SNX10: variants seen among roughly 807,000 people sequenced by gnomAD.
The protein encoded by SNX10 is sorting nexin 10, also known as sorting nexin-10.
In SNX10, 25 loss-of-function variants were observed where a neutral mutation model predicts 28.5. The ratio of observed to expected loss-of-function variants is 0.88; its 90% confidence interval spans 0.64 to 1.22. SNX10 has a LOEUF of 1.22. Among genes scored for constraint, SNX10 ranks in the 50% most tolerant of loss-of-function variants. SNX10 has a pLI of 0.00. For synonymous variants in SNX10, 62 were observed against 81.4 expected, an observed-to-expected ratio of 0.76 and a Z score of 1.28; for missense variants, 223 against 242.6, an observed-to-expected ratio of 0.92 and a Z score of 0.54.
At chr7:26,321,327 G>A (rs1225763541) in intron 1 of SNX10, among the ~76,000 whole-genome samples, 1 of 152,144 alleles carries the variant, frequency 6.6e-6, no homozygotes, top group Non-Finnish European at 1.5e-5. Context: ...CATTCCAGAT[G>A]TACTCACAGA....
chr7:26,372,225 C>G (rs1334407990), intron 6 of SNX10, 192 bp downstream of exon 6: 2 of 595,404 alleles, frequency 3.4e-6, no homozygotes, highest in Middle Eastern at 4.4e-4. Flanking sequence ...CACACCTCCA[C>G]ACTGAATTAA....
At chr7:26,300,286 T>C (rs1373565269) in intron 1 of SNX10, among the ~76,000 whole-genome samples, 1 of 151,980 alleles carries the variant, frequency 6.6e-6, no homozygotes, top group African/African-American at 2.4e-5. Context: ...AGGGACTGTG[T>C]CTTGCTGTGT....
In SNX10 at chr7:26,372,635, C is replaced by T. The variant is rs966416225; in HGVS notation, c.*63C>T. On this transcript the variant is annotated 3_prime_UTR_variant, in exon 7 of 7. Coordinates refer to ENST00000338523, the MANE Select transcript of SNX10 (RefSeq NM_013322.3). ...TTATGTCCAGTCATAGAGAAGAAAG[C>T]TTCATAATAATACATTCTTACCTAA... The T allele has an allele frequency of 6.3e-6, 6 of 956,210 alleles. No homozygotes were observed. The highest frequency in any genetic ancestry group is 1.0e-5 in the Non-Finnish European group (6 of 584,570). The allele number at this position is 956,210 out of a possible 1,614,324, so 59.2% of individuals were successfully genotyped here. A position where few individuals can be genotyped will look rare whatever the true frequency, so the allele number is the denominator to read the frequency against.
chr7:26,360,723 TA>T, intron 2 of SNX10: 1 of 777,796 alleles, frequency 1.3e-6, no homozygotes, highest in Non-Finnish European at 1.8e-6. Flanking sequence ...AGATAACCAG[TA>T]AAACTATCCA....
chr7:26,307,612 T>G (rs191779091), intron 1 of SNX10, among the ~76,000 whole-genome samples: 1 of 152,090 alleles, frequency 6.6e-6, no homozygotes, highest in East Asian at 1.9e-4. Flanking sequence ...GAAACCCAGC[T>G]AATTTTTGCA....
At chr7:26,312,962 T>A (rs1786909624) in intron 1 of SNX10, among the ~76,000 whole-genome samples, 1 of 152,206 alleles carries the variant, frequency 6.6e-6, no homozygotes, top group African/African-American at 2.4e-5. Flanking sequence ...AACAACCCAC[T>A]CATTTGTAAA....
intron 1 of SNX10, among the ~76,000 whole-genome samples, chr7:26,293,492 C>T (rs1322596329): frequency 1.3e-5 from 2 of 152,188 alleles, no homozygotes; most frequent in African/African-American, 4.8e-5. Context: ...AGGGGTGAGC[C>T]ACTGCGCTCG....
chr7:26,307,698 G>C (rs1327073363), intron 1 of SNX10, among the ~76,000 whole-genome samples: 2 of 147,780 alleles, frequency 1.4e-5, no homozygotes, highest in East Asian at 3.9e-4. Flanking sequence ...TTTTTTAATA[G>C]TCTTTATTTT....
intron 5 of SNX10, among the ~76,000 whole-genome samples, chr7:26,365,534 TC>T (rs1338933077): frequency 1.3e-5 from 2 of 152,190 alleles, no homozygotes; most frequent in Non-Finnish European, 2.9e-5. Context: ...CAGACCAAAA[TC>T]AGCTCAGTAA....
rs761265917 is a variant in SNX10, at chr7:26,372,007, AAATG to A, written c.500_503del (p.Asn167IlefsTer2). On this transcript the variant is annotated frameshift_variant, in exon 6 of 7. Transcript: ENST00000338523. LOFTEE classifies it high-confidence loss of function. ...AAGAAGATGAAGAAGGAAAAAAAGA[AAATG>A]ATATAGATTATGATTCAGAAAGGTA... 6.2e-7 allele frequency: 1 copy of A among 1,609,238 alleles called. No individual in the cohort carries two copies. Among genetic ancestry groups the A allele is most frequent in the East Asian group, 2.2e-5 (1 of 44,830 alleles).
At chr7:26,334,897 G>C (rs1787862175) in intron 1 of SNX10, among the ~76,000 whole-genome samples, 1 of 152,192 alleles carries the variant, frequency 6.6e-6, no homozygotes, top group Non-Finnish European at 1.5e-5. Context: ...ATTTGGGCCT[G>C]GTTTGCAGAT....
At chr7:26,344,778 C>T (rs1334551065) in intron 1 of SNX10, among the ~76,000 whole-genome samples, 1 of 152,202 alleles carries the variant, frequency 6.6e-6, no homozygotes, top group Non-Finnish European at 1.5e-5. Flanking sequence ...GTCTGTCTTT[C>T]CAACCTAATC....
intron 3 of SNX10, among the ~76,000 whole-genome samples, chr7:26,363,764 T>G (rs201993316): frequency 2.1e-5 from 1 of 48,476 alleles, no homozygotes; most frequent in Non-Finnish European, 6.2e-5. Context: ...AAACCAACAC[T>G]TAGTAACTAA....
chr7:26,333,021 ATTC>A (rs2128005482), intron 1 of SNX10, among the ~76,000 whole-genome samples: 1 of 152,226 alleles, frequency 6.6e-6, no homozygotes, highest in East Asian at 1.9e-4. Context: ...CTCCTGCTTT[ATTC>A]TTCTTTTTCA....
At chr7:26,295,658 T>A (rs960127187) in intron 1 of SNX10, among the ~76,000 whole-genome samples, 1 of 152,196 alleles carries the variant, frequency 6.6e-6, no homozygotes. Flanking sequence ...TGGTGCCAGA[T>A]CAATCAATTA....
In SNX10 at chr7:26,300,274, G is replaced by T. The variant is rs545299402; in HGVS notation, c.-24+8188G>T. On this transcript the variant is annotated intron_variant, in intron 1 of 6. Coordinates refer to ENST00000338523, the MANE Select transcript of SNX10 (RefSeq NM_013322.3). Reference sequence around the variant, plus strand: ...ATTTTTTTTTTTTTGGCTTAGGGGAGTAGGGACTGTGTCTTGCTGTGTTGC... The same window carrying T: ...ATTTTTTTTTTTTTGGCTTAGGGGATTAGGGACTGTGTCTTGCTGTGTTGC... Among the ~76,000 whole-genome samples, 16 of 151,724 alleles carry T rather than the reference G, an allele frequency of 1.1e-4. No individual in the cohort carries two copies. The East Asian group carries it at 3.1e-3, about 29-fold the overall frequency.
chr7:26,354,727 A>G (rs1788748465), intron 2 of SNX10, among the ~76,000 whole-genome samples: 1 of 151,940 alleles, frequency 6.6e-6, no homozygotes, highest in South Asian at 2.1e-4. Context: ...CAAGTCCTTT[A>G]TGGGATGTGT....
In SNX10 at chr7:26,307,684, T is replaced by C. The variant is rs73066416; in HGVS notation, c.-24+15598T>C. ...CATGTTGCCCAGGCTAGCATTCTTT[T>C]TTTTTTTTTAATAGTCTTTATTTTT... On this transcript the variant is annotated intron_variant, in intron 1 of 6. Coordinates refer to ENST00000338523, the MANE Select transcript of SNX10 (RefSeq NM_013322.3). Among the ~76,000 whole-genome samples, 964 of 152,092 alleles carry C rather than the reference T, an allele frequency of 6.3e-3. 10 individuals are homozygous for C. The highest frequency in any genetic ancestry group is 0.034 in the South Asian group (162 of 4,804).
At chr7:26,302,575 G>A (rs1229833884) in intron 1 of SNX10, among the ~76,000 whole-genome samples, 1 of 152,148 alleles carries the variant, frequency 6.6e-6, no homozygotes, top group African/African-American at 2.4e-5. Flanking sequence ...GGACCCTCGG[G>A]TAATACCTTA....
Sources: allele counts gnomAD v4.1 joint callset (sites outside exome capture counted in the v4.1 genomes callset), GRCh38; gene constraint gnomAD v4.1.1; transcripts MANE v1.5; gene names NCBI Gene and HGNC (gene_info 2026-07-23, HGNC 2026-07-21).